PITPNM1: variants seen among roughly 807,000 people sequenced by gnomAD.
The protein encoded by PITPNM1 is phosphatidylinositol transfer protein membrane associated 1.
A neutral mutation model predicts 133.3 loss-of-function variants in PITPNM1; 74 were observed. The observed-to-expected ratio is 0.56, with a 90% CI of 0.46 to 0.67. The LOEUF is 0.67. Among genes scored for constraint, PITPNM1 ranks in the 30% least tolerant of loss-of-function variants. The probability of loss-of-function intolerance (pLI) is 0.00; values close to 1 mark genes in which losing one functional copy is unlikely to be tolerated. For missense variants in PITPNM1, 1,398 were observed against 1,739.5 expected, an observed-to-expected ratio of 0.80 and a Z score of 3.49; for synonymous variants, 738 against 741.4, an observed-to-expected ratio of 1.00 and a Z score of 0.08.
Position 67,502,578 on chromosome 11 carries a change from G to C in PITPNM1, c.219C>G (p.Phe73Leu). Residue 73 changes from phenylalanine to leucine, a missense_variant, in exon 3 of 24, where the codon TTC becomes TTG. Coordinates refer to ENST00000356404, the MANE Select transcript of PITPNM1 (RefSeq NM_004910.3). This position sits in a 1 kb window ranked among gnomAD's most constrained non-coding sequence, Gnocchi z 5.9. ...GGGCAGCCTTGGGCAGCAGTGCCCGGAACCAGCCTGGGATGTGGGAGCCCA... is the reference window on the plus strand; with the variant it reads ...GGGCAGCCTTGGGCAGCAGTGCCCGCAACCAGCCTGGGATGTGGGAGCCCA... ...YHVGSHIPGW[F>L]RALLPKAALQ... is the part of the protein sequence containing the mutation. The C allele has an allele frequency of 6.2e-7, 1 of 1,613,680 alleles. No individual in the cohort carries two copies. Among genetic ancestry groups the C allele is most frequent in the Middle Eastern group, 1.6e-4 (1 of 6,062 alleles).
In PITPNM1 at chr11:67,494,914, G is replaced by GCTC; in HGVS notation, c.2671_2673dup (p.Glu891dup). 1 of 1,612,942 alleles carries GCTC rather than the reference G, an allele frequency of 6.2e-7. No individual in the cohort carries two copies. The highest frequency in any genetic ancestry group is 8.5e-7 in the Non-Finnish European group (1 of 1,179,824). ...GGGAAGGCCGGGCTGTAGATGGACG[G>GCTC]CTCCTCGCATTCCGCCAGCTGTGGC... is the stretch of plus-strand genomic sequence containing the variant. On this transcript the variant is annotated inframe_insertion, in exon 18 of 24. Transcript: ENST00000356404.
chr11:67,498,552 G>A lies in PITPNM1; in HGVS notation c.1484+44C>T. 1 of 1,581,832 alleles carries A rather than the reference G, an allele frequency of 6.3e-7. No individual in the cohort carries two copies. The highest frequency in any genetic ancestry group is 8.5e-7 in the Non-Finnish European group (1 of 1,169,628). On this transcript the variant is annotated intron_variant, in intron 10 of 23. Transcript: ENST00000356404. This position sits in a 1 kb window ranked among gnomAD's most constrained non-coding sequence, Gnocchi z 5.7. ...TCCCCGCTCCCTGCCCCGCTCCCTG[G>A]CCTGATCCTACGAGTTCCCTGCCCT...
At position 67,492,988 on chromosome 11, in the gene PITPNM1, C is replaced by T. The variant is rs200324325; in HGVS notation, c.3417G>A (p.Pro1139=). The T allele has an allele frequency of 2.5e-5, 40 of 1,612,886 alleles. No homozygotes were observed. In the South Asian group the frequency reaches 4.0e-4, roughly 16 times the overall value. ...VAVYAALGLS[P]SQTYIVGRAV... is the part of the protein sequence containing the mutation. The stretch of plus-strand genomic sequence containing the variant: ...CACGGCCCACGATGTAGGTCTGGCT[C>T]GGGGACAGCCCCAGCGCCGCGTATA... Residue 1139 remains proline, a synonymous_variant, in exon 23 of 24, where the codon CCG becomes CCA. Transcript: ENST00000356404.
chr11:67,498,774 C>A lies in PITPNM1; in HGVS notation c.1306G>T (p.Gly436Cys). ...CCAGGGCCTGAGTCCAGGATGTTGC[C>A]GCTGTGCAGGATAAGGAAGAGGGCG... ...VHALFLILHS[G>C]NILDSGPGDA... is the part of the protein sequence containing the mutation. Residue 436 changes from glycine to cysteine, a missense_variant, in exon 10 of 24, where the codon GGC (glycine) becomes TGC (cysteine). Physicochemically the swap from Gly to Cys is radical, Grantham distance 159. Around this residue, in one of 5 missense-constraint regions of PITPNM1, gnomAD observed 574 missense variants for 698.7 expected, o/e 0.82. Transcript: ENST00000356404. This position sits in a 1 kb window ranked among gnomAD's most constrained non-coding sequence, Gnocchi z 5.7. The A allele has an allele frequency of 1.2e-6, 2 of 1,612,338 alleles. No homozygotes were observed. Among genetic ancestry groups the A allele is most frequent in the Non-Finnish European group, 8.5e-7 (1 of 1,179,988 alleles).
Position 67,498,081 on chromosome 11 carries a change from ACAGTGGGGGCTG to A in PITPNM1, c.1674+40_1674+51del. On this transcript the variant is annotated intron_variant, in intron 11 of 23. Coordinates refer to ENST00000356404, the MANE Select transcript of PITPNM1 (RefSeq NM_004910.3). This position sits in a 1 kb window ranked among gnomAD's most constrained non-coding sequence, Gnocchi z 5.7. ...GCCTTGTCCTCACCCAGGCCAGACT[ACAGTGGGGGCTG>A]CAGTGGAGGGCAGCAGATGGACTGT... The A allele has an allele frequency of 6.2e-7, 1 of 1,608,000 alleles. No homozygotes were observed. The highest frequency in any genetic ancestry group is 8.5e-7 in the Non-Finnish European group (1 of 1,177,824).
Position 67,500,157 on chromosome 11 carries a change from T to C in PITPNM1, c.905A>G (p.Asp302Gly). Residue 302 changes from aspartate (D) to glycine (G), a missense_variant, in exon 6 of 24, where the codon GAT becomes GGT. Transcript: ENST00000356404. ...EAPPGPDASPDASFGKQWSSS... is the reference protein window; with the variant it reads ...EAPPGPDASPGASFGKQWSSS... ...GGACCACTGCTTCCCAAAGCTGGCA[T>C]CGGGGGAGGCATCTGGGCCTGGGGG... 1.3e-6 allele frequency: 2 copies of C among 1,594,490 alleles called. No homozygotes were observed. Among genetic ancestry groups the C allele is most frequent in the Non-Finnish European group, 1.7e-6 (2 of 1,170,216 alleles).
At position 67,494,224 on chromosome 11, in the gene PITPNM1, C is replaced by G. The variant is rs1866031621; in HGVS notation, c.2859+20G>C. 2 of 1,606,072 alleles carry G rather than the reference C, an allele frequency of 1.2e-6. No individual in the cohort carries two copies. The highest frequency in any genetic ancestry group is 1.7e-6 in the Non-Finnish European group (2 of 1,173,942). ...GAGATGGGGCCATGGGACCAGGCGA[C>G]AGGGCCTCTGGGTCCTGACCTTCTC... On this transcript the variant is annotated intron_variant, in intron 19 of 23. Coordinates refer to ENST00000356404, the MANE Select transcript of PITPNM1 (RefSeq NM_004910.3).
rs909762741 is a variant in PITPNM1 at position 67,495,244 on chromosome 11, G to T, written c.2483-19C>A. Reference sequence around the variant, plus strand: ...TCCAGGACTGCGCGGCCATGGCAGCGAGTCAGGATGGCCTCCTGCCCCACA... The same window carrying T: ...TCCAGGACTGCGCGGCCATGGCAGCTAGTCAGGATGGCCTCCTGCCCCACA... On this transcript the variant is annotated intron_variant, in intron 16 of 23. Transcript: ENST00000356404. The T allele has an allele frequency of 6.4e-7, 1 of 1,565,276 alleles. No homozygotes were observed. Among genetic ancestry groups the T allele is most frequent in the East Asian group, 2.3e-5 (1 of 44,058 alleles).
chr11:67,500,411 C>A lies in PITPNM1; in HGVS notation c.651G>T (p.Arg217=). The part of the protein sequence containing the change: ...EQFIHDVGLR[R]VMLRAHRQAW... ...CCTGGCGGTGGGCCCGCAGCATCAC[C>A]CGACGCAGACCTGCAGGTGCCCAGG... The change falls in exon 6 of 24, where the codon CGG becomes CGT. Residue 217 remains arginine, a synonymous_variant. Transcript: ENST00000356404. 6.2e-7 allele frequency: 1 copy of A among 1,608,108 alleles called. No individual in the cohort carries two copies. Among genetic ancestry groups the A allele is most frequent in the Non-Finnish European group, 8.5e-7 (1 of 1,178,484 alleles).
chr11:67,497,462 G>T, intron 13 of PITPNM1, 26 bp from the exon 14 acceptor site: 6 of 1,594,686 alleles, frequency 3.8e-6, no homozygotes, highest in Non-Finnish European at 4.3e-6. Flanking sequence ...GGTGCTCAGT[G>T]CTGCTGCCTC....
chr11:67,500,207 A>C lies in PITPNM1; in HGVS notation c.855T>G (p.Thr285=). The part of the protein sequence containing the change: ...STEARSAASN[T]GTPDGPEAPP... The stretch of plus-strand genomic sequence containing the variant: ...GGGCCTCAGGCCCATCGGGGGTGCC[A>C]GTGTTGCTGGCCGCAGACCGGGCCT... Residue 285 remains threonine (T), a synonymous_variant, in exon 6 of 24, where the codon ACT becomes ACG. Coordinates refer to ENST00000356404, the MANE Select transcript of PITPNM1 (RefSeq NM_004910.3). 6.2e-7 allele frequency: 1 copy of C among 1,603,918 alleles called. No individual in the cohort carries two copies. The highest frequency in any genetic ancestry group is 1.1e-5 in the South Asian group (1 of 90,982).
chr11:67,494,901 C>T lies in PITPNM1; in HGVS notation c.2687G>A (p.Ser896Asn), dbSNP rs1866063769. ...CCACTTCTCCCTGGGGAAGGCCGGG[C>T]TGTAGATGGACGGCTCCTCGCATTC... ...LAECEEPSIY[S>N]PAFPREKWQR... Residue 896 changes from serine (S) to asparagine (N), a missense_variant, in exon 18 of 24, where the codon AGC (serine) becomes AAC (asparagine). Coordinates refer to ENST00000356404, the MANE Select transcript of PITPNM1 (RefSeq NM_004910.3). The T allele has an allele frequency of 1.2e-6, 2 of 1,613,032 alleles. No homozygotes were observed. The highest frequency in any genetic ancestry group is 1.7e-6 in the Non-Finnish European group (2 of 1,179,838).
At position 67,498,762 on chromosome 11, in the gene PITPNM1, C is replaced by A; in HGVS notation, c.1318G>T (p.Asp440Tyr). The A allele has an allele frequency of 6.2e-7, 1 of 1,612,070 alleles. No individual in the cohort carries two copies. The change falls in exon 10 of 24, where the codon GAC (aspartate) becomes TAC (tyrosine). Residue 440 changes from aspartate to tyrosine, a missense_variant. Asp to Tyr is a radical substitution (Grantham distance 160). This residue lies in a region of PITPNM1 where 574 missense variants were observed against 698.7 expected (regional missense o/e 0.82). Coordinates refer to ENST00000356404, the MANE Select transcript of PITPNM1 (RefSeq NM_004910.3). This position sits in a 1 kb window ranked among gnomAD's most constrained non-coding sequence, Gnocchi z 5.7. The part of the protein sequence containing the change: ...FLILHSGNIL[D>Y]SGPGDANSKQ... ...GAGTTGGCGTCTCCAGGGCCTGAGT[C>A]CAGGATGTTGCCGCTGTGCAGGATA...
intron 23 of PITPNM1, 31 bp from the exon 24 acceptor site, chr11:67,492,327 G>T (rs1247287322): frequency 1.3e-6 from 2 of 1,525,028 alleles, no homozygotes; most frequent in East Asian, 2.3e-5. Context: ...CGATGAGGGG[G>T]TGCTGGCCAA....
intron 5 of PITPNM1, 49 bp from the exon 6 acceptor site, chr11:67,500,470 C>T (rs751247195): frequency 2.6e-6 from 4 of 1,545,996 alleles, no homozygotes. Flanking sequence ...GCTTCCCTGC[C>T]ACCGCAGCTA....
At chr11:67,492,645 A>G (rs541494733) in intron 23 of PITPNM1, among the ~76,000 whole-genome samples, 2 of 152,232 alleles carry the variant, frequency 1.3e-5, no homozygotes, top group Non-Finnish European at 2.9e-5. Context: ...GATCATTTCC[A>G]TTTACAGATG....
In PITPNM1 at chr11:67,498,119, C is replaced by T. The variant is rs1300030660; in HGVS notation, c.1674+14G>A. 1 of 1,611,746 alleles carries T rather than the reference C, an allele frequency of 6.2e-7. No homozygotes were observed. On this transcript the variant is annotated intron_variant, in intron 11 of 23. Coordinates refer to ENST00000356404, the MANE Select transcript of PITPNM1 (RefSeq NM_004910.3). This position sits in a 1 kb window ranked among gnomAD's most constrained non-coding sequence, Gnocchi z 5.7. ...CAGTGGAGGGCAGCAGATGGACTGTCCCTAACCGCTGACCTGCCCACAGAA... is the reference window on the plus strand; with the variant it reads ...CAGTGGAGGGCAGCAGATGGACTGTTCCTAACCGCTGACCTGCCCACAGAA...
rs1180277765 is a variant in PITPNM1 at position 67,498,811 on chromosome 11, T to C, written c.1269A>G (p.Ala423=). 1.2e-6 allele frequency: 2 copies of C among 1,611,916 alleles called. No individual in the cohort carries two copies. The highest frequency in any genetic ancestry group is 2.2e-5 in the South Asian group (2 of 91,058). The change falls in exon 10 of 24, where the codon GCA becomes GCG. Residue 423 remains alanine, a synonymous_variant. Coordinates refer to ENST00000356404, the MANE Select transcript of PITPNM1 (RefSeq NM_004910.3). The surrounding 1 kb of genome is among the most constrained non-coding windows in gnomAD (Gnocchi z 5.7). ...LDGAGELGAE[A]CAVHALFLIL... ...TAAGGAAGAGGGCGTGGACTGCGCATGCCTCAGCCCCCAGCTCCCCGGCTC... is the reference window on the plus strand; with the variant it reads ...TAAGGAAGAGGGCGTGGACTGCGCACGCCTCAGCCCCCAGCTCCCCGGCTC...
At chr11:67,500,829 A>G (rs1236496234) in intron 5 of PITPNM1, among the ~76,000 whole-genome samples, 2 of 152,266 alleles carry the variant, frequency 1.3e-5, no homozygotes, top group Non-Finnish European at 2.9e-5. Flanking sequence ...TTGGCACTCA[A>G]TGAAGGTTGT....
Sources: allele counts gnomAD v4.1 joint callset (sites outside exome capture counted in the v4.1 genomes callset), GRCh38; gene constraint gnomAD v4.1.1; regional missense constraint gnomAD v4.1.1; non-coding constraint Gnocchi (gnomAD v3.1); transcripts MANE v1.5; gene names NCBI Gene and HGNC (gene_info 2026-07-23, HGNC 2026-07-21).